The following DMD variants were observed in gnomAD, a reference collection of about 807,000 sequenced individuals.
The protein encoded by DMD is dystrophin, also known as mutant dystrophin.
DMD carries 63 observed loss-of-function variants against 330.1 expected under a neutral mutation model. The ratio of observed to expected loss-of-function variants is 0.19; its 90% confidence interval spans 0.16 to 0.24. DMD has a LOEUF of 0.24. Among genes scored for constraint, DMD ranks in the 10% least tolerant of loss-of-function variants. DMD has a pLI of 1.00. For synonymous variants in DMD, 1,223 were observed against 959.8 expected (o/e 1.27, Z -5.07); for missense variants, 3,344 against 2,684.1 (o/e 1.25, Z -5.43).
chrX:31,670,552 G>A (rs1451811753), intron 53 of DMD, among the ~76,000 whole-genome samples: 1 of 112,035 alleles, frequency 8.9e-6, no homozygotes, highest in Non-Finnish European at 1.9e-5. Flanking sequence ...CTGGAGGCTA[G>A]ATCCAAAATC....
chrX:31,639,012 C>G (rs1368032882), intron 54 of DMD, among the ~76,000 whole-genome samples: 1 of 111,596 alleles, frequency 9.0e-6, no homozygotes, highest in East Asian at 2.8e-4. Context: ...TTGTAAAAGA[C>G]TGGGCTAGAC....
intron 55 of DMD, chrX:31,508,376 C>T: frequency 1.5e-6 from 1 of 650,711 alleles, no homozygotes; most frequent in South Asian, 3.2e-5. Context: ...GAGCACAGGC[C>T]TCACCAGTCA....
At chrX:33,059,415 C>T (rs1430772611) in intron 1 of DMD, among the ~76,000 whole-genome samples, 1 of 109,053 alleles carries the variant, frequency 9.2e-6, no homozygotes, top group African/African-American at 3.3e-5. Context: ...TCTCCAACTC[C>T]CAAAGATATA....
chrX:33,088,539 C>G (rs894669473), intron 1 of DMD, among the ~76,000 whole-genome samples: 2 of 110,677 alleles, frequency 1.8e-5, no homozygotes, highest in African/African-American at 6.6e-5. Context: ...CATTAGAGAG[C>G]TATGGATTCT....
intron 44 of DMD, among the ~76,000 whole-genome samples, chrX:31,999,800 T>C (rs2095613173): frequency 9.0e-6 from 1 of 111,524 alleles, no homozygotes; most frequent in African/African-American, 3.3e-5. Context: ...TCTGAAGTCG[T>C]TTAGGGATCA....
intron 43 of DMD, among the ~76,000 whole-genome samples, chrX:32,267,592 C>A (rs2097349613): frequency 9.0e-6 from 1 of 111,577 alleles, no homozygotes; most frequent in Admixed American, 9.5e-5. Context: ...ATTCTGTGAC[C>A]AAAGAAAAGT....
chrX:32,584,612 T>G (rs757756971), intron 13 of DMD, among the ~76,000 whole-genome samples: 1 of 112,386 alleles, frequency 8.9e-6, no homozygotes, highest in African/African-American at 3.2e-5. Flanking sequence ...TAATGCTATA[T>G]GCAACATAGT....
At chrX:32,767,031 G>A (rs1000952729) in intron 7 of DMD, among the ~76,000 whole-genome samples, 8 of 111,126 alleles carry the variant, frequency 7.2e-5, no homozygotes, top group Admixed American at 2.9e-4. Flanking sequence ...AAACTACTCC[G>A]CATTATAGGC....
chrX:32,587,313 A>T (rs808558), intron 13 of DMD, among the ~76,000 whole-genome samples: 59,341 of 110,346 alleles, frequency 0.54, 13,488 homozygotes, highest in African/African-American at 0.89. Flanking sequence ...TACTCATGTT[A>T]CACAAGTTAA....
chrX:32,546,833 A>AAGCAAC (rs1031962988), intron 16 of DMD, among the ~76,000 whole-genome samples: 1 of 111,771 alleles, frequency 8.9e-6, no homozygotes, highest in African/African-American at 3.2e-5. Flanking sequence ...TGAAAGCAGA[A>AAGCAAC]AGCAACATAG....
In DMD at chrX:31,846,517, T is replaced by C. The variant is rs149383688; in HGVS notation, c.7099-9698A>G. 7.8e-3 allele frequency among the ~76,000 whole-genome samples: 859 copies of C among 110,762 alleles called. 6 individuals carry two copies. Among genetic ancestry groups the C allele is most frequent in the East Asian group, 0.028 (99 of 3,548 alleles). ...ATTATGGAAGAAACAAACCTAAAAT[T>C]ATGAGAGTATTAATTCATCCTATAT... On this transcript the variant is annotated intron_variant, in intron 48 of 78. Transcript: ENST00000357033.
At chrX:32,315,513 T>C (rs1201435871) in intron 41 of DMD, among the ~76,000 whole-genome samples, 1 of 103,799 alleles carries the variant, frequency 9.6e-6, no homozygotes, top group Non-Finnish European at 1.9e-5. Context: ...TTAAGTATAA[T>C]TAAAAAAAAA....
At chrX:31,646,335 T>C (rs2080100570) in intron 54 of DMD, among the ~76,000 whole-genome samples, 1 of 110,952 alleles carries the variant, frequency 9.0e-6, no homozygotes, top group Non-Finnish European at 1.9e-5. Context: ...CTCTATGTTA[T>C]CTCCATATTT....
chrX:33,062,669 G>T (rs1357367070), intron 1 of DMD, among the ~76,000 whole-genome samples: 1 of 110,616 alleles, frequency 9.0e-6, no homozygotes, highest in Non-Finnish European at 1.9e-5. Context: ...TAGAGATGGG[G>T]TTTCACCACG....
chrX:31,476,781 G>C (rs1333277064), intron 59 of DMD, among the ~76,000 whole-genome samples: 3 of 111,033 alleles, frequency 2.7e-5, no homozygotes, highest in Non-Finnish European at 5.7e-5. Flanking sequence ...GCACACAGAG[G>C]GGTGAATGGG....
intron 1 of DMD, among the ~76,000 whole-genome samples, chrX:33,120,074 C>T (rs1394511033): frequency 8.9e-6 from 1 of 111,896 alleles, no homozygotes; most frequent in African/African-American, 3.2e-5. Flanking sequence ...ATCTTAAGTG[C>T]CTTTGCCCTG....
chrX:32,708,490 G>A (rs980751739), intron 7 of DMD, among the ~76,000 whole-genome samples: 1 of 111,250 alleles, frequency 9.0e-6, no homozygotes, highest in Non-Finnish European at 1.9e-5. Context: ...TAGGGATGAT[G>A]TTAACAGAGA....
intron 63 of DMD, among the ~76,000 whole-genome samples, chrX:31,248,126 A>G (rs2049004736): frequency 8.9e-6 from 1 of 112,368 alleles, no homozygotes; most frequent in South Asian, 3.7e-4. Context: ...TTTTAACAAT[A>G]AAGTATTTTA....
chrX:32,529,325 G>A (rs1272420399), intron 17 of DMD, among the ~76,000 whole-genome samples: 1 of 104,690 alleles, frequency 9.6e-6, no homozygotes, highest in African/African-American at 3.5e-5. Flanking sequence ...CATGTCGTCA[G>A]GACTTCCTGA....
Sources: allele counts gnomAD v4.1 joint callset (sites outside exome capture counted in the v4.1 genomes callset), GRCh38; gene constraint gnomAD v4.1.1; transcripts MANE v1.5; gene names NCBI Gene and HGNC (gene_info 2026-07-23, HGNC 2026-07-21).